The following ZNF804B variants were observed in gnomAD, a reference collection of about 807,000 sequenced individuals.
ZNF804B encodes zinc finger 804B.
Under a neutral mutation model 101.4 loss-of-function variants are expected in ZNF804B, and 80 were observed. The observed-to-expected ratio is 0.79, with a 90% CI of 0.66 to 0.95. The LOEUF (loss-of-function observed/expected upper bound fraction) is 0.95. ZNF804B is among the 40% of genes least tolerant of loss of function. ZNF804B has a pLI of 0.00. For missense variants in ZNF804B, 1,673 were observed against 1,561.9 expected (o/e 1.07, Z -1.20); for synonymous variants, 622 against 558.8 (o/e 1.11, Z -1.59).
chr7:88,833,960 T>TA (rs977572631), intron 1 of ZNF804B, among the ~76,000 whole-genome samples: 1 of 151,628 alleles, frequency 6.6e-6, no homozygotes, highest in Non-Finnish European at 1.5e-5. Context: ...AGAGTACAAT[T>TA]AAAAAAAGAA....
intron 2 of ZNF804B, among the ~76,000 whole-genome samples, chr7:89,265,292 G>GCGCA: frequency 1.2e-5 from 1 of 82,546 alleles, no homozygotes; most frequent in East Asian, 1.5e-3. Context: ...GTGTGTGTGT[G>GCGCA]TGCGCGTGCG....
At chr7:89,333,233 G>C in intron 3 of ZNF804B, 130 bp from the exon 4 acceptor site, 1 of 893,064 alleles carries the variant, frequency 1.1e-6, no homozygotes, top group Non-Finnish European at 1.6e-6. Flanking sequence ...GACAACAAAA[G>C]GTTATGTTTT....
chr7:89,230,842 A>G (rs1362092296), intron 2 of ZNF804B, among the ~76,000 whole-genome samples: 2 of 152,116 alleles, frequency 1.3e-5, no homozygotes, highest in Non-Finnish European at 2.9e-5. Flanking sequence ...CCAAAAACTA[A>G]TAATATGCAA....
At chr7:89,279,227 C>T (rs1443907762) in intron 2 of ZNF804B, among the ~76,000 whole-genome samples, 2 of 151,984 alleles carry the variant, frequency 1.3e-5, no homozygotes, top group Non-Finnish European at 2.9e-5. Flanking sequence ...GCTGAAGTTG[C>T]TTATCAGCTT....
At chr7:88,761,386 A>G (rs916254962) in intron 1 of ZNF804B, among the ~76,000 whole-genome samples, 1 of 152,202 alleles carries the variant, frequency 6.6e-6, no homozygotes, top group African/African-American at 2.4e-5. Flanking sequence ...TTAAACTCAC[A>G]GGGTTAGCAG....
At chr7:89,283,834 T>C (rs1217343519) in intron 2 of ZNF804B, among the ~76,000 whole-genome samples, 1 of 152,110 alleles carries the variant, frequency 6.6e-6, no homozygotes, top group East Asian at 1.9e-4. Context: ...TATACATAGA[T>C]TTTTTTCAGT....
chr7:89,077,008 AC>A (rs1179492084), intron 1 of ZNF804B, among the ~76,000 whole-genome samples: 1 of 152,052 alleles, frequency 6.6e-6, no homozygotes, highest in African/African-American at 2.4e-5. Flanking sequence ...ATATTCGGTG[AC>A]ATAATCTGCA....
intron 1 of ZNF804B, among the ~76,000 whole-genome samples, chr7:89,124,323 C>T (rs1443662327): frequency 2.6e-5 from 4 of 152,074 alleles, no homozygotes; most frequent in Non-Finnish European, 4.4e-5. Context: ...TTTACTCTAT[C>T]CTACGCAGAA....
chr7:89,260,083 G>A (rs1789688924), intron 2 of ZNF804B, among the ~76,000 whole-genome samples: 2 of 152,286 alleles, frequency 1.3e-5, no homozygotes, highest in African/African-American at 4.8e-5. Flanking sequence ...CCCCTTACTG[G>A]GGCTTGTGTC....
rs1554340161 is a variant in ZNF804B at position 88,854,422 on chromosome 7, T to TCTTTCTTCCTTCCTTCCTTC, written c.108+94345_108+94346insCCTTCCTTCCTTCCTTTCTT. On this transcript the variant is annotated intron_variant, in intron 1 of 3. Transcript: ENST00000333190. ...TTCTTTCTTTCTTTCTTCCTTTCTT[T>TCTTTCTTCCTTCCTTCCTTC]CTTTCTTTCTTTCTTTCTTTCTTTC... Among the ~76,000 whole-genome samples, 5 of 100,832 alleles carry TCTTTCTTCCTTCCTTCCTTC rather than the reference T, an allele frequency of 5.0e-5. No individual in the cohort carries two copies. In the East Asian group the frequency reaches 1.4e-3, roughly 28 times the overall value. 66.1% of individuals were successfully genotyped at this position (100,832 alleles called of 152,430 possible).
chr7:89,007,749 A>G (rs938243361), intron 1 of ZNF804B, among the ~76,000 whole-genome samples: 2 of 150,736 alleles, frequency 1.3e-5, no homozygotes, highest in Admixed American at 6.7e-5. Context: ...TCATGAAACT[A>G]TAAGGTGAAT....
intron 1 of ZNF804B, among the ~76,000 whole-genome samples, chr7:89,005,375 T>G (rs1449378868): frequency 6.6e-6 from 1 of 151,986 alleles, no homozygotes; most frequent in Admixed American, 6.6e-5. Flanking sequence ...TTTATAGTTA[T>G]GAAGTCTACT....
intron 1 of ZNF804B, among the ~76,000 whole-genome samples, chr7:89,049,653 TA>T (rs563846203): frequency 1.4e-3 from 200 of 146,818 alleles, no homozygotes; most frequent in African/African-American, 2.3e-3. Flanking sequence ...TGACAGAAAT[TA>T]AAAAAAAAAA....
At chr7:88,974,806 T>C (rs1241722626) in intron 1 of ZNF804B, among the ~76,000 whole-genome samples, 3 of 151,452 alleles carry the variant, frequency 2.0e-5, no homozygotes, top group Non-Finnish European at 3.0e-5. Context: ...ATTCCACTTA[T>C]ACTTTATTAC....
In ZNF804B at chr7:89,216,076, G is replaced by T. The variant is rs184180271; in HGVS notation, c.109-2079G>T. 2.6e-3 allele frequency among the ~76,000 whole-genome samples: 390 copies of T among 152,260 alleles called. 2 individuals carry two copies. The highest frequency in any genetic ancestry group is 9.2e-3 in the African/African-American group (381 of 41,572). On this transcript the variant is annotated intron_variant, in intron 1 of 3. Coordinates refer to ENST00000333190, the MANE Select transcript of ZNF804B (RefSeq NM_181646.5). The stretch of plus-strand genomic sequence containing the variant: ...GCCAGTGCTTTGGGAGGCCGCGGCA[G>T]GTGGATCATCTGAGGTGAGGAGTTT...
chr7:88,872,922 A>G (rs963372177), intron 1 of ZNF804B, among the ~76,000 whole-genome samples: 1 of 151,912 alleles, frequency 6.6e-6, no homozygotes, highest in East Asian at 1.9e-4. Context: ...TAATGCCGCA[A>G]TAAATATACG....
chr7:88,771,502 T>C (rs1333231713), intron 1 of ZNF804B, among the ~76,000 whole-genome samples: 1 of 152,124 alleles, frequency 6.6e-6, no homozygotes, highest in Admixed American at 6.5e-5. Context: ...ACACACAGAT[T>C]TGCAGCTCAA....
chr7:88,948,503 TAAG>T (rs1204759118), intron 1 of ZNF804B, among the ~76,000 whole-genome samples: 1 of 151,662 alleles, frequency 6.6e-6, no homozygotes, highest in Non-Finnish European at 1.5e-5. Flanking sequence ...AATGCCAGTA[TAAG>T]AAGAGGAGAA....
At chr7:89,273,083 A>G (rs951949052) in intron 2 of ZNF804B, among the ~76,000 whole-genome samples, 1 of 152,200 alleles carries the variant, frequency 6.6e-6, no homozygotes, top group African/African-American at 2.4e-5. Context: ...AGATAATTAT[A>G]AAAACATGTA....
Sources: gnomAD v4.1 joint callset for allele counts (sites outside exome capture counted in the v4.1 genomes callset) on GRCh38, gnomAD v4.1.1 for gene constraint, MANE v1.5 for transcripts, NCBI Gene and HGNC (gene_info 2026-07-23, HGNC 2026-07-21) for gene names.